RNF13: variants seen among roughly 807,000 people sequenced by gnomAD.
The protein encoded by RNF13 is E3 ubiquitin-protein ligase RNF13.
Under a neutral mutation model 37.7 loss-of-function variants are expected in RNF13, and 19 were observed. The ratio of observed to expected loss-of-function variants is 0.50; its 90% confidence interval spans 0.35 to 0.74. RNF13 has a LOEUF of 0.74. Among genes scored for constraint, RNF13 ranks in the 30% least tolerant of loss-of-function variants. The pLI, the probability that RNF13 is intolerant of heterozygous loss-of-function variation, is 0.01. For missense variants in RNF13, 375 were observed against 453.0 expected (o/e 0.83, Z 1.56); for synonymous variants, 144 against 157.8 (o/e 0.91, Z 0.65).
At chr3:149,869,334 G>A (rs925569952) in intron 3 of RNF13, among the ~76,000 whole-genome samples, 8 of 151,930 alleles carry the variant, frequency 5.3e-5, no homozygotes, top group African/African-American at 1.7e-4. Context: ...GGCCGGGCGC[G>A]GTGGCTCACG....
At chr3:149,931,557 A>G (rs1365951217) in intron 8 of RNF13, among the ~76,000 whole-genome samples, 1 of 152,014 alleles carries the variant, frequency 6.6e-6, no homozygotes, top group Non-Finnish European at 1.5e-5. Flanking sequence ...GCATTTTACA[A>G]TTTTTTATTG....
intron 1 of RNF13, among the ~76,000 whole-genome samples, chr3:149,822,087 A>G (rs1720042276): frequency 6.6e-6 from 1 of 152,170 alleles, no homozygotes; most frequent in African/African-American, 2.4e-5. Context: ...TGAGTTCTCC[A>G]GCTTTGTTCT....
chr3:149,906,351 C>G (rs1274126242), intron 6 of RNF13, among the ~76,000 whole-genome samples: 2 of 151,616 alleles, frequency 1.3e-5, no homozygotes, highest in African/African-American at 2.4e-5. Context: ...TTGGTATATA[C>G]CTAGAATGGA....
At chr3:149,848,210 A>G (rs1205139536) in intron 2 of RNF13, among the ~76,000 whole-genome samples, 3 of 152,166 alleles carry the variant, frequency 2.0e-5, no homozygotes, top group Non-Finnish European at 2.9e-5. Flanking sequence ...CAAAAAAAAA[A>G]TGTTAGGTAT....
chr3:149,816,876 G>T (rs1448100114), intron 1 of RNF13, among the ~76,000 whole-genome samples: 1 of 152,218 alleles, frequency 6.6e-6, no homozygotes, highest in African/African-American at 2.4e-5. Context: ...GATGATCGTA[G>T]TGAAGGTATA....
At chr3:149,959,867 A>C in intron 8 of RNF13, 189 bp from the exon 9 acceptor site, 1 of 430,798 alleles carries the variant, frequency 2.3e-6, no homozygotes, top group East Asian at 3.7e-5. Flanking sequence ...ATCAATTTTT[A>C]ACTAGTTTAG....
chr3:149,916,537 C>A (rs1717529019), intron 7 of RNF13, among the ~76,000 whole-genome samples: 1 of 152,144 alleles, frequency 6.6e-6, no homozygotes. Flanking sequence ...TTTAGTAGAA[C>A]TTAATGCTAA....
intron 5 of RNF13, among the ~76,000 whole-genome samples, chr3:149,901,864 A>G (rs1715877062): frequency 6.6e-6 from 1 of 152,204 alleles, no homozygotes; most frequent in Non-Finnish European, 1.5e-5. Context: ...GGTAATGTGT[A>G]TATGCAAAAT....
At chr3:149,903,220 T>C (rs1377304029) in intron 6 of RNF13, among the ~76,000 whole-genome samples, 3 of 152,106 alleles carry the variant, frequency 2.0e-5, no homozygotes, top group African/African-American at 4.8e-5. Context: ...AAAACAGTTA[T>C]GCAAAGTGGT....
intron 6 of RNF13, among the ~76,000 whole-genome samples, chr3:149,909,765 G>A (rs900564406): frequency 2.0e-5 from 3 of 151,988 alleles, no homozygotes; most frequent in African/African-American, 7.3e-5. Context: ...TTCCATTTCT[G>A]CCGTTACAAA....
At chr3:149,942,044 T>C (rs1309927461) in intron 8 of RNF13, among the ~76,000 whole-genome samples, 1 of 152,098 alleles carries the variant, frequency 6.6e-6, no homozygotes, top group African/African-American at 2.4e-5. Context: ...ATTCCTAGGC[T>C]CTAAATTCTG....
intron 3 of RNF13, among the ~76,000 whole-genome samples, chr3:149,862,571 A>G (rs1175501759): frequency 1.3e-5 from 2 of 152,160 alleles, no homozygotes; most frequent in Non-Finnish European, 1.5e-5. Flanking sequence ...TTGCTTTTCC[A>G]TCTAACACTA....
intron 4 of RNF13, among the ~76,000 whole-genome samples, chr3:149,889,174 T>C (rs547032383): frequency 3.7e-4 from 56 of 151,584 alleles, no homozygotes; most frequent in African/African-American, 1.3e-3. Context: ...CTTGACCTCA[T>C]GATCCCCCCG....
At chr3:149,906,628 T>C (rs183719631) in intron 6 of RNF13, among the ~76,000 whole-genome samples, 1 of 150,564 alleles carries the variant, frequency 6.6e-6, no homozygotes, top group African/African-American at 2.4e-5. Flanking sequence ...GTATGTCCTT[T>C]CATTTGTTCA....
chr3:149,913,326 G>A lies in RNF13; in HGVS notation c.606+1243G>A, dbSNP rs114974280. ...TGGCTATTCTTATAATTGAGTATTA[G>A]AGCATTGCTTTTTATTAAACATTTA... On this transcript the variant is annotated intron_variant, in intron 7 of 9. Transcript: ENST00000392894. 4.8e-3 allele frequency among the ~76,000 whole-genome samples: 727 copies of A among 152,140 alleles called. 2 individuals carry two copies. Among genetic ancestry groups the A allele is most frequent in the African/African-American group, 0.017 (701 of 41,510 alleles).
chr3:149,840,201 G>A (rs1473900011), intron 1 of RNF13, among the ~76,000 whole-genome samples: 3 of 152,206 alleles, frequency 2.0e-5, no homozygotes, highest in Admixed American at 2.0e-4. Context: ...CAGTTAAAAT[G>A]TCTGTTAATA....
intron 8 of RNF13, among the ~76,000 whole-genome samples, chr3:149,958,134 A>G (rs1056359103): frequency 1.3e-5 from 2 of 152,252 alleles, no homozygotes; most frequent in African/African-American, 4.8e-5. Context: ...TAACCCAAAT[A>G]TACCTGTATT....
chr3:149,877,968 A>G (rs1712940178), intron 4 of RNF13, among the ~76,000 whole-genome samples: 1 of 152,166 alleles, frequency 6.6e-6, no homozygotes, highest in Non-Finnish European at 1.5e-5. Flanking sequence ...ACACAAATTT[A>G]TTCAATATTA....
chr3:149,862,515 A>G (rs896499123), intron 3 of RNF13, among the ~76,000 whole-genome samples: 73 of 152,254 alleles, frequency 4.8e-4, no homozygotes, highest in African/African-American at 1.8e-3. Context: ...ATGCATCTAT[A>G]AACATTGTGC....
Sources: gnomAD v4.1 joint callset for allele counts (sites outside exome capture counted in the v4.1 genomes callset) on GRCh38, gnomAD v4.1.1 for gene constraint, MANE v1.5 for transcripts, NCBI Gene and HGNC (gene_info 2026-07-23, HGNC 2026-07-21) for gene names.